Variants in NDST4 observed in about 807,000 individuals in gnomAD.
The protein encoded by NDST4 is N-heparan sulfate sulfotransferase 4.
NDST4 carries 63 observed loss-of-function variants against 100.8 expected under a neutral mutation model. The ratio of observed to expected loss-of-function variants is 0.62; its 90% CI spans 0.51 to 0.77. The LOEUF (loss-of-function observed/expected upper bound fraction) is 0.77, where lower values mean the gene tolerates loss of function less well. Among genes scored for constraint, NDST4 ranks in the 30% least tolerant of loss-of-function variants. NDST4 has a pLI of 0.00. For missense variants in NDST4, 943 were observed against 1,018.4 expected (o/e 0.93, Z 1.01); for synonymous variants, 377 against 361.8 (o/e 1.04, Z -0.48).
intron 6 of NDST4, among the ~76,000 whole-genome samples, chr4:114,903,257 A>G (rs570564353): frequency 6.6e-6 from 1 of 152,068 alleles, no homozygotes; most frequent in Non-Finnish European, 1.5e-5. Context: ...CGAGGACAGA[A>G]CTTGTTAAGA....
intron 2 of NDST4, among the ~76,000 whole-genome samples, chr4:115,046,339 T>C (rs1359986912): frequency 6.6e-6 from 1 of 152,156 alleles, no homozygotes; most frequent in Non-Finnish European, 1.5e-5. Flanking sequence ...TTTAAGAGAC[T>C]CACTTGTCCA....
intron 2 of NDST4, among the ~76,000 whole-genome samples, chr4:115,012,609 C>T (rs1414255674): frequency 1.3e-5 from 2 of 151,832 alleles, no homozygotes; most frequent in South Asian, 2.1e-4. Flanking sequence ...ATTAATTTTG[C>T]CAACTATATT....
At chr4:114,950,526 T>A (rs1006006891) in intron 4 of NDST4, among the ~76,000 whole-genome samples, 1 of 152,100 alleles carries the variant, frequency 6.6e-6, no homozygotes, top group Non-Finnish European at 1.5e-5. Flanking sequence ...CTTTATTTGG[T>A]AGTTACAACT....
At chr4:114,907,377 C>A (rs373022075) in intron 6 of NDST4, among the ~76,000 whole-genome samples, 61 of 152,106 alleles carry the variant, frequency 4.0e-4, no homozygotes, top group Non-Finnish European at 7.4e-4. Context: ...TCAGTTTATC[C>A]GTCTATTTAA....
chr4:114,836,699 C>A (rs890026936), intron 11 of NDST4, among the ~76,000 whole-genome samples: 4 of 152,134 alleles, frequency 2.6e-5, no homozygotes, highest in African/African-American at 4.8e-5. Context: ...TGGATAATAT[C>A]CTGAATTGTG....
intron 4 of NDST4, among the ~76,000 whole-genome samples, chr4:114,966,263 C>T (rs925210619): frequency 4.0e-5 from 6 of 151,858 alleles, no homozygotes; most frequent in African/African-American, 1.5e-4. Flanking sequence ...CACATAACTC[C>T]CACATGCATA....
chr4:115,007,923 C>T (rs1181846934), intron 2 of NDST4, among the ~76,000 whole-genome samples: 1 of 129,256 alleles, frequency 7.7e-6, no homozygotes, highest in Non-Finnish European at 1.7e-5. Context: ...CCTGAGTTGT[C>T]CTTGGAATTC....
intron 1 of NDST4, among the ~76,000 whole-genome samples, chr4:115,093,143 G>T (rs1361520484): frequency 6.6e-6 from 1 of 152,098 alleles, no homozygotes; most frequent in Non-Finnish European, 1.5e-5. Flanking sequence ...CAATCACAGA[G>T]TAAGAATTCA....
At chr4:114,997,967 A>G (rs4082347) in intron 2 of NDST4, among the ~76,000 whole-genome samples, 15,900 of 152,056 alleles carry the variant, frequency 0.1, 1,193 homozygotes, top group African/African-American at 0.21. Context: ...AATTATATGT[A>G]GTCTATGATA....
At chr4:115,102,996 C>T (rs2110343937) in intron 1 of NDST4, among the ~76,000 whole-genome samples, 1 of 152,180 alleles carries the variant, frequency 6.6e-6, no homozygotes, top group African/African-American at 2.4e-5. Flanking sequence ...ATGTGAGCCA[C>T]TGCTCCCAGC....
At chr4:114,936,917 A>G (rs1725640966) in intron 5 of NDST4, among the ~76,000 whole-genome samples, 1 of 152,248 alleles carries the variant, frequency 6.6e-6, no homozygotes, top group Middle Eastern at 3.2e-3. Context: ...TGACAGAATA[A>G]CAACTTGAGA....
chr4:114,855,895 G>T (rs1578345875), intron 7 of NDST4, among the ~76,000 whole-genome samples: 1 of 151,974 alleles, frequency 6.6e-6, no homozygotes, highest in Non-Finnish European at 1.5e-5. Context: ...GATCGTTTTT[G>T]ATATATTATT....
chr4:115,041,337 T>A (rs1251971438), intron 2 of NDST4, among the ~76,000 whole-genome samples: 1 of 152,080 alleles, frequency 6.6e-6, no homozygotes. Flanking sequence ...AACAAAAGAC[T>A]TTTTTGGGAT....
At chr4:115,044,821 T>A (rs1297904858) in intron 2 of NDST4, among the ~76,000 whole-genome samples, 1 of 151,126 alleles carries the variant, frequency 6.6e-6, no homozygotes, top group Non-Finnish European at 1.5e-5. Flanking sequence ...GTAAGTTTCA[T>A]GAAAATGACT....
chr4:114,954,826 C>A (rs1488346630), intron 4 of NDST4, among the ~76,000 whole-genome samples: 1 of 152,142 alleles, frequency 6.6e-6, no homozygotes, highest in Non-Finnish European at 1.5e-5. Flanking sequence ...TTAACACTAA[C>A]CTTCTTGGCA....
intron 6 of NDST4, among the ~76,000 whole-genome samples, chr4:114,888,291 C>G (rs1297165868): frequency 1.3e-5 from 2 of 151,894 alleles, no homozygotes; most frequent in African/African-American, 4.8e-5. Context: ...AAGAACTCAT[C>G]TTAGAATGTA....
chr4:115,089,478 TG>T (rs1294733917), intron 1 of NDST4, among the ~76,000 whole-genome samples: 1 of 151,992 alleles, frequency 6.6e-6, no homozygotes, highest in Non-Finnish European at 1.5e-5. Flanking sequence ...TATTCATGCC[TG>T]TCTCTGGTAG....
intron 2 of NDST4, among the ~76,000 whole-genome samples, chr4:115,006,512 A>G (rs761789865): frequency 1.2e-4 from 19 of 152,206 alleles, no homozygotes; most frequent in Admixed American, 2.6e-4. Context: ...CAGATTTAAT[A>G]TAGGAGAGAA....
chr4:114,890,887 C>T (rs573610343), intron 6 of NDST4, among the ~76,000 whole-genome samples: 22 of 152,176 alleles, frequency 1.4e-4, no homozygotes, highest in African/African-American at 4.8e-4. Flanking sequence ...TTCACTTATG[C>T]CCTGGAGCTG....
Sources: gnomAD v4.1 joint callset for allele counts (sites outside exome capture counted in the v4.1 genomes callset) on GRCh38, gnomAD v4.1.1 for gene constraint, MANE v1.5 for transcripts, NCBI Gene and HGNC (gene_info 2026-07-23, HGNC 2026-07-21) for gene names.